Variants in SEMA4D observed in about 807,000 individuals in gnomAD.
SEMA4D encodes the protein semaphorin-4D.
In SEMA4D, 22 loss-of-function variants were observed where a neutral mutation model predicts 74.8. That is an observed-to-expected ratio of 0.29 (90% CI 0.21 to 0.42). The LOEUF is 0.42. SEMA4D is among the 10% of genes least tolerant of loss of function. The probability of loss-of-function intolerance (pLI) is 1.00; values close to 1 mark genes in which losing one functional copy is unlikely to be tolerated. For synonymous variants in SEMA4D, 445 were observed against 463.7 expected, an observed-to-expected ratio of 0.96 and a Z score of 0.52; for missense variants, 937 against 1,118.4, an observed-to-expected ratio of 0.84 and a Z score of 2.31.
intron 16 of SEMA4D, among the ~76,000 whole-genome samples, chr9:89,370,520 TGTG>T (rs199602652): frequency 0.02 from 2,951 of 149,664 alleles, 120 homozygotes; most frequent in East Asian, 0.16. Context: ...GATGCTGGCA[TGTG>T]GTGTGTGTGG....
rs539664258 is a variant in SEMA4D, at chr9:89,492,811, G to A, written c.-310+5108C>T. On this transcript the variant is annotated intron_variant, in intron 1 of 15. Coordinates refer to ENST00000422704, the MANE Select transcript of SEMA4D (RefSeq NM_001371194.2). This position sits in a 1 kb window ranked among gnomAD's most constrained non-coding sequence, Gnocchi z 4.3. ...CCCGAGCTCCTGCAAGGCCCGCCCCGCACCGCCCTCCTACCATTGCTCATG... is the reference window on the plus strand; with the variant it reads ...CCCGAGCTCCTGCAAGGCCCGCCCCACACCGCCCTCCTACCATTGCTCATG... 6.6e-6 allele frequency among the ~76,000 whole-genome samples: 1 copy of A among 152,016 alleles called. No homozygotes were observed. Among genetic ancestry groups the A allele is most frequent in the Non-Finnish European group, 1.5e-5 (1 of 67,984 alleles).
chr9:89,439,531 C>G (rs1023334045), intron 2 of SEMA4D, among the ~76,000 whole-genome samples: 6 of 152,128 alleles, frequency 3.9e-5, no homozygotes, highest in African/African-American at 1.4e-4. Flanking sequence ...AGAAGCATTT[C>G]TTCTATGATT....
intron 2 of SEMA4D, chr9:89,449,874 G>T: frequency 2.0e-6 from 3 of 1,495,320 alleles, no homozygotes; most frequent in African/African-American, 2.8e-5. Flanking sequence ...AGGTGACTTG[G>T]TAAAAATTGA....
chr9:89,417,995 C>T (rs1001597725), intron 2 of SEMA4D: 5 of 670,930 alleles, frequency 7.5e-6, no homozygotes, highest in Non-Finnish European at 9.2e-6. Context: ...CCAACTGAGG[C>T]CTCTACACAT....
At chr9:89,388,567 G>A in intron 11 of SEMA4D, 69 bp downstream of exon 11, 1 of 1,537,900 alleles carries the variant, frequency 6.5e-7, no homozygotes, top group Non-Finnish European at 8.7e-7. Context: ...AGGCCCCAGT[G>A]CCTGTACTGG....
At chr9:89,451,301 GC>G (rs1275214195) in intron 2 of SEMA4D, among the ~76,000 whole-genome samples, 1 of 152,102 alleles carries the variant, frequency 6.6e-6, no homozygotes. Context: ...TGTCAGTCAG[GC>G]CCCTCCCATT....
intron 1 of SEMA4D, among the ~76,000 whole-genome samples, chr9:89,476,906 T>C (rs1213577248): frequency 1.3e-5 from 2 of 152,110 alleles, no homozygotes. Context: ...TTGGCTGGGA[T>C]ACTGGGCTGA....
intron 2 of SEMA4D, among the ~76,000 whole-genome samples, chr9:89,445,232 C>T (rs1448505066): frequency 6.6e-6 from 1 of 152,188 alleles, no homozygotes; most frequent in Non-Finnish European, 1.5e-5. Context: ...GGAAGAGACA[C>T]ACGCTCTTTG....
intron 2 of SEMA4D, chr9:89,418,396 G>A (rs1323889052): frequency 2.0e-6 from 2 of 985,288 alleles, no homozygotes; most frequent in Non-Finnish European, 2.4e-6. Context: ...GACCCGACCA[G>A]GTGTACTTTC....
intron 15 of SEMA4D, 114 bp downstream of exon 15, chr9:89,380,941 C>T (rs1836891592): frequency 4.7e-6 from 6 of 1,278,034 alleles, no homozygotes; most frequent in East Asian, 4.9e-5. Flanking sequence ...ACCTCTGTTC[C>T]GAGTGGAGAA....
At chr9:89,424,291 G>A (rs369908816) in intron 2 of SEMA4D, among the ~76,000 whole-genome samples, 4 of 152,152 alleles carry the variant, frequency 2.6e-5, no homozygotes, top group Admixed American at 1.3e-4. Context: ...CCACAATGGC[G>A]GCCCACACCA....
chr9:89,473,449 C>T (rs543524200), intron 1 of SEMA4D, among the ~76,000 whole-genome samples: 12 of 150,378 alleles, frequency 8.0e-5, no homozygotes, highest in Non-Finnish European at 1.5e-4. Flanking sequence ...AATTTAAAAA[C>T]TAGCCAGGCA....
At chr9:89,453,634 T>G (rs1382022136) in intron 2 of SEMA4D, among the ~76,000 whole-genome samples, 2 of 152,154 alleles carry the variant, frequency 1.3e-5, no homozygotes, top group Non-Finnish European at 2.9e-5. Flanking sequence ...CGGCCCTCGC[T>G]GGGTGGACAC....
intron 2 of SEMA4D, among the ~76,000 whole-genome samples, chr9:89,422,373 G>A (rs1195714017): frequency 4.6e-5 from 7 of 152,206 alleles, no homozygotes; most frequent in East Asian, 3.8e-4. Context: ...GCTTGGGGAG[G>A]GCAGGCCACA....
chr9:89,417,019 A>G (rs1845864772), intron 2 of SEMA4D, among the ~76,000 whole-genome samples: 1 of 152,190 alleles, frequency 6.6e-6, no homozygotes, highest in South Asian at 2.1e-4. Flanking sequence ...AAAATAACAG[A>G]AGGAGCCAGT....
chr9:89,407,115 T>C (rs1287409076), intron 2 of SEMA4D, among the ~76,000 whole-genome samples: 1 of 152,222 alleles, frequency 6.6e-6, no homozygotes, highest in Non-Finnish European at 1.5e-5. Flanking sequence ...ACTGGCTTCC[T>C]GCCCCAGCAT....
At chr9:89,399,420 T>TA (rs1841708651) in intron 4 of SEMA4D, 82 bp from the exon 5 acceptor site, 1 of 1,053,900 alleles carries the variant, frequency 9.5e-7, no homozygotes, top group African/African-American at 1.6e-5. Flanking sequence ...AAGCACATGA[T>TA]AGAGTTTAGA....
At chr9:89,449,761 AAG>A in intron 2 of SEMA4D, 1 of 1,514,868 alleles carries the variant, frequency 6.6e-7, no homozygotes, top group Non-Finnish European at 9.1e-7. Context: ...AAGAAAGAAA[AAG>A]AGATGAAGAA....
At position 89,493,822 on chromosome 9, in the gene SEMA4D, G is replaced by A. The variant is rs188854676; in HGVS notation, c.-310+4097C>T. On this transcript the variant is annotated intron_variant, in intron 1 of 15. Transcript: ENST00000422704. ...AGAAAACAAAGACACCACAGGAAAT[G>A]CTGGAACAAGCCCCAGGTCCAGGTC... 3.3e-5 allele frequency among the ~76,000 whole-genome samples: 5 copies of A among 152,328 alleles called. No individual in the cohort carries two copies. In the East Asian group the frequency reaches 9.6e-4, roughly 29 times the overall value.
Sources: allele counts gnomAD v4.1 joint callset (sites outside exome capture counted in the v4.1 genomes callset), GRCh38; gene constraint gnomAD v4.1.1; non-coding constraint Gnocchi (gnomAD v3.1); transcripts MANE v1.5; gene names NCBI Gene and HGNC (gene_info 2026-07-23, HGNC 2026-07-21).